TAF1: variants seen among roughly 807,000 people sequenced by gnomAD.
TAF1 encodes the protein transcription initiation factor TFIID subunit 1.
Under a neutral mutation model 138.5 loss-of-function variants are expected in TAF1, and 2 were observed. The observed-to-expected ratio is 0.01, with a 90% confidence interval of 0.01 to 0.05. The LOEUF is 0.05. TAF1 is among the 10% of genes least tolerant of loss of function. The pLI, the probability that TAF1 is intolerant of heterozygous loss-of-function variation, is 1.00. For synonymous variants in TAF1, 437 were observed against 503.2 expected, an observed-to-expected ratio of 0.87 and a Z score of 1.76; for missense variants, 709 against 1,478.0, an observed-to-expected ratio of 0.48 and a Z score of 8.53.
chrX:71,417,284 C>A (rs1003211097), intron 28 of TAF1, among the ~76,000 whole-genome samples: 1 of 110,590 alleles, frequency 9.0e-6, no homozygotes, highest in Non-Finnish European at 1.9e-5. Context: ...GCAGAGTTTC[C>A]ACTAGCAAAA....
intron 25 of TAF1, among the ~76,000 whole-genome samples, chrX:71,402,445 G>T (rs2035228635): frequency 9.0e-6 from 1 of 111,350 alleles, no homozygotes; most frequent in Non-Finnish European, 1.9e-5. Flanking sequence ...ACAGGGTTTC[G>T]CCATGCTGGT....
At chrX:71,434,581 C>T (rs1470955643) in intron 32 of TAF1, among the ~76,000 whole-genome samples, 4 of 111,808 alleles carry the variant, frequency 3.6e-5, no homozygotes, top group Non-Finnish European at 7.5e-5. Flanking sequence ...AGATAAGTAA[C>T]ACTCCATATA....
At chrX:71,526,848 A>T (rs2147648494) in intron 13 of TAF1, among the ~76,000 whole-genome samples, 1 of 106,779 alleles carries the variant, frequency 9.4e-6, no homozygotes, top group East Asian at 2.9e-4. Flanking sequence ...CAGGAGGATC[A>T]CGTAAGGCCA....
At chrX:71,388,960 TCTGA>T in intron 17 of TAF1, 92 bp downstream of exon 17, 3 of 1,037,811 alleles carry the variant, frequency 2.9e-6, no homozygotes, top group South Asian at 2.4e-5. Flanking sequence ...AGATTCTTTC[TCTGA>T]CTGGCTTAGG....
At chrX:71,488,980 T>C (rs1764218340) in intron 13 of TAF1, among the ~76,000 whole-genome samples, 1 of 108,127 alleles carries the variant, frequency 9.2e-6, no homozygotes, top group Admixed American at 1.0e-4. Context: ...GGCAGGAGAA[T>C]CGCTTGAACC....
downstream of TAF1, chrX:71,530,494 C>A: frequency 1.2e-5 from 1 of 80,883 alleles, no homozygotes; most frequent in East Asian, 4.5e-4. Context: ...ACAGCTTCCA[C>A]GGTGTGGAAA....
intron 33 of TAF1, 49 bp from the exon 34 acceptor site, chrX:71,454,692 C>T (rs1172926856): frequency 9.2e-7 from 1 of 1,088,620 alleles, no homozygotes; most frequent in South Asian, 2.0e-5. Flanking sequence ...TTTTGTATCC[C>T]CAGTACTTAA....
At chrX:71,395,210 A>G (rs1037320793) in intron 22 of TAF1, among the ~76,000 whole-genome samples, 2 of 111,930 alleles carry the variant, frequency 1.8e-5, no homozygotes, top group Admixed American at 9.5e-5. Context: ...ACCATTGATT[A>G]AAGTAGTGAA....
chrX:71,443,368 G>T (rs1021413871), intron 32 of TAF1, among the ~76,000 whole-genome samples: 29 of 111,623 alleles, frequency 2.6e-4, no homozygotes, highest in Non-Finnish European at 4.5e-4. Context: ...CCTTGAAGAG[G>T]TCCTTCACAT....
At position 71,423,169 on chromosome X, in the gene TAF1, A is replaced by T; in HGVS notation, c.4505A>T (p.Asp1502Val). Reference sequence around the variant, plus strand: ...AAAGCTATCAACCCCTTGCTGGATGATGATGACCAAGTGGCGTTTTCTTTC... The same window carrying T: ...AAAGCTATCAACCCCTTGCTGGATGTTGATGACCAAGTGGCGTTTTCTTTC... ...LEKAINPLLD[D>V]DDQVAFSFIL... Residue 1502 changes from aspartate (D) to valine (V), a missense_variant, in exon 30 of 38, where the codon GAT (aspartate) becomes GTT (valine). By Grantham distance (152) the Asp-to-Val change is radical. Coordinates refer to ENST00000423759, the MANE Select transcript of TAF1 (RefSeq NM_004606.5). The T allele has an allele frequency of 8.3e-7, 1 of 1,212,067 alleles. No individual in the cohort carries two copies. Among genetic ancestry groups the T allele is most frequent in the Non-Finnish European group, 1.1e-6 (1 of 895,593 alleles).
intron 13 of TAF1, among the ~76,000 whole-genome samples, chrX:71,513,982 G>A (rs1265007820): frequency 9.0e-6 from 1 of 111,496 alleles, no homozygotes; most frequent in Non-Finnish European, 1.9e-5. Flanking sequence ...ATAAAAGCTG[G>A]CCACACCCAG....
At chrX:71,524,815 C>G (rs889913502) in intron 13 of TAF1, among the ~76,000 whole-genome samples, 1 of 107,607 alleles carries the variant, frequency 9.3e-6, no homozygotes, top group Non-Finnish European at 1.9e-5. Context: ...GTGGCGGTTG[C>G]CTGTAATCCC....
chrX:71,382,405 G>GA (rs1258505140), intron 9 of TAF1, 131 bp from the exon 10 acceptor site: 2 of 884,297 alleles, frequency 2.3e-6, no homozygotes, highest in African/African-American at 4.2e-5. Context: ...CTGGGGGGGG[G>GA]TGGGATGAAA....
In TAF1 at chrX:71,382,679, A is replaced by AGG. The variant is rs777372285; in HGVS notation, c.1665+19_1665+20dup. ...ACCACAGCAGGTGTGTGAAGAAAAA[A>AGG]GGGGCTTGGTGTTTAGAAGAACAAA... On this transcript the variant is annotated intron_variant, in intron 10 of 37. Transcript: ENST00000423759. The AGG allele has an allele frequency of 2.5e-6, 3 of 1,205,349 alleles. No individual in the cohort carries two copies. The highest frequency in any genetic ancestry group is 3.4e-6 in the Non-Finnish European group (3 of 893,641).
chrX:71,444,737 ATCTC>A lies in TAF1; in HGVS notation c.4754-9425_4754-9422del, dbSNP rs764793122. On this transcript the variant is annotated intron_variant, in intron 32 of 37. Coordinates refer to ENST00000423759, the MANE Select transcript of TAF1 (RefSeq NM_004606.5). ...GTCCCCAGGTGTGGCCAGTGTTTGTATCTCTCTCTCTTTTTTTTTCTTTTTTTGA... is the reference window on the plus strand; with the variant it reads ...GTCCCCAGGTGTGGCCAGTGTTTGTATCTCTCTTTTTTTTTCTTTTTTTGA... 2.8e-5 allele frequency among the ~76,000 whole-genome samples: 3 copies of A among 109,081 alleles called. No homozygotes were observed. The South Asian group carries it at 1.2e-3, about 43-fold the overall frequency. The allele number at this position is 109,081 out of a possible 115,157, so 94.7% of individuals were successfully genotyped here.
intron 32 of TAF1, among the ~76,000 whole-genome samples, chrX:71,434,236 G>A (rs2037029979): frequency 8.9e-6 from 1 of 111,802 alleles, no homozygotes; most frequent in Non-Finnish European, 1.9e-5. Flanking sequence ...GGCAGTGTGT[G>A]CCTGTTGCTG....
At chrX:71,502,759 A>C (rs1436089337) in intron 13 of TAF1, among the ~76,000 whole-genome samples, 1 of 107,305 alleles carries the variant, frequency 9.3e-6, no homozygotes, top group Non-Finnish European at 1.9e-5. Flanking sequence ...CCAATATGGC[A>C]AAACCCTGTC....
chrX:71,453,856 AGAGGAAAATTGT>A (rs1339345708), intron 32 of TAF1, among the ~76,000 whole-genome samples: 1 of 111,445 alleles, frequency 9.0e-6, no homozygotes, highest in Non-Finnish European at 1.9e-5. Context: ...AACAATTTTT[AGAGGAAAATTGT>A]TATGATGCTG....
At position 71,454,208 on chromosome X, in the gene TAF1, G is replaced by T. The variant is rs1279004085; in HGVS notation, c.4792G>T (p.Val1598Leu). The T allele has an allele frequency of 8.3e-7, 1 of 1,210,995 alleles. No individual in the cohort carries two copies. Among genetic ancestry groups the T allele is most frequent in the South Asian group, 1.8e-5 (1 of 56,891 alleles). ...SQYTKTAQEI[V>L]NVCYQTLTEY... The stretch of plus-strand genomic sequence containing the variant: ...GTATACTAAGACTGCCCAGGAGATT[G>T]TGAACGTCTGTTACCAGACATTGAC... Residue 1598 changes from valine (V) to leucine (L), a missense_variant, in exon 33 of 38, where the codon GTG becomes TTG. By Grantham distance (32) the Val-to-Leu change is conservative (BLOSUM62 1). Transcript: ENST00000423759.
Sources: allele counts gnomAD v4.1 joint callset (sites outside exome capture counted in the v4.1 genomes callset), GRCh38; gene constraint gnomAD v4.1.1; transcripts MANE v1.5; gene names NCBI Gene and HGNC (gene_info 2026-07-23, HGNC 2026-07-21).